The following GRIK1 variants were observed in gnomAD, a reference collection of about 807,000 sequenced individuals.
The protein encoded by GRIK1 is glutamate ionotropic receptor kainate type subunit 1.
Under a neutral mutation model 105.7 loss-of-function variants are expected in GRIK1, and 69 were observed. The observed-to-expected ratio is 0.65, with a 90% CI of 0.54 to 0.80. The LOEUF (loss-of-function observed/expected upper bound fraction) is 0.80, where lower values mean the gene tolerates loss of function less well. Among genes scored for constraint, GRIK1 ranks in the 30% least tolerant of loss-of-function variants. GRIK1 has a pLI of 0.00. For synonymous variants in GRIK1, 438 were observed against 431.3 expected (o/e 1.02, Z -0.19); for missense variants, 1,109 against 1,167.3 (o/e 0.95, Z 0.73).
intron 1 of GRIK1, among the ~76,000 whole-genome samples, chr21:29,776,481 T>G (rs2065946325): frequency 6.6e-6 from 1 of 152,214 alleles, no homozygotes; most frequent in African/African-American, 2.4e-5. Flanking sequence ...GGCATATTGC[T>G]CAATTTTTAT....
chr21:29,776,269 C>A (rs1418675924), intron 1 of GRIK1, among the ~76,000 whole-genome samples: 2 of 152,150 alleles, frequency 1.3e-5, no homozygotes, highest in Admixed American at 1.3e-4. Context: ...AATGATTTAC[C>A]TTTTTATTCT....
intron 1 of GRIK1, among the ~76,000 whole-genome samples, chr21:29,902,338 G>A (rs1227316765): frequency 6.6e-6 from 1 of 152,198 alleles, no homozygotes; most frequent in Non-Finnish European, 1.5e-5. Context: ...ATTCAAACAG[G>A]AAGAGAGGAA....
At chr21:29,621,353 G>A (rs921755053) in intron 7 of GRIK1, among the ~76,000 whole-genome samples, 6 of 151,962 alleles carry the variant, frequency 3.9e-5, no homozygotes, top group African/African-American at 1.2e-4. Context: ...ATCCTGCTAT[G>A]TAACTAGAAA....
chr21:29,657,748 T>G (rs1015512400), intron 4 of GRIK1: 2 of 152,240 alleles, frequency 1.3e-5, no homozygotes, highest in Non-Finnish European at 2.9e-5. Context: ...GCAGTTGTTC[T>G]TGTGATGGTC....
chr21:29,858,579 A>C (rs1045010963), intron 1 of GRIK1, among the ~76,000 whole-genome samples: 1 of 152,134 alleles, frequency 6.6e-6, no homozygotes, highest in African/African-American at 2.4e-5. Context: ...CTCTGTTGTG[A>C]AATATCAGGG....
At chr21:29,934,783 A>G (rs989853264) in intron 1 of GRIK1, among the ~76,000 whole-genome samples, 2 of 152,206 alleles carry the variant, frequency 1.3e-5, no homozygotes, top group African/African-American at 4.8e-5. Context: ...CACAAACCTT[A>G]CAAGAAAAGT....
intron 1 of GRIK1, among the ~76,000 whole-genome samples, chr21:29,847,392 G>A (rs1220507425): frequency 2.6e-5 from 4 of 152,140 alleles, no homozygotes; most frequent in Non-Finnish European, 4.4e-5. Flanking sequence ...TCAGGAGTTC[G>A]AGACCATCCT....
At chr21:29,653,479 C>G (rs1485868039) in intron 5 of GRIK1, among the ~76,000 whole-genome samples, 1 of 152,186 alleles carries the variant, frequency 6.6e-6, no homozygotes, top group Non-Finnish European at 1.5e-5. Context: ...TCTATGGTCT[C>G]CTAGCCTTGG....
chr21:29,610,744 C>A (rs1481946741), intron 7 of GRIK1, among the ~76,000 whole-genome samples: 2 of 151,800 alleles, frequency 1.3e-5, no homozygotes, highest in Non-Finnish European at 2.9e-5. Flanking sequence ...GGTAATTCAC[C>A]TAAAAAGCAA....
At chr21:29,640,334 T>A (rs1457818604) in intron 7 of GRIK1, among the ~76,000 whole-genome samples, 1 of 152,174 alleles carries the variant, frequency 6.6e-6, no homozygotes, top group African/African-American at 2.4e-5. Context: ...TCAGTGCCAG[T>A]CCTCCAGCAG....
intron 1 of GRIK1, among the ~76,000 whole-genome samples, chr21:29,712,121 CACAT>C (rs1185007950): frequency 5.3e-5 from 8 of 150,338 alleles, no homozygotes; most frequent in African/African-American, 1.7e-4. Flanking sequence ...CACACACACA[CACAT>C]ATATATAGGT....
intron 7 of GRIK1, among the ~76,000 whole-genome samples, chr21:29,603,428 T>C (rs1261554371): frequency 6.6e-6 from 1 of 152,110 alleles, no homozygotes; most frequent in Admixed American, 6.5e-5. Context: ...TGGCACTAGC[T>C]TTAAAATTGA....
At chr21:29,592,221 C>T (rs1054551666) in intron 9 of GRIK1, among the ~76,000 whole-genome samples, 4 of 152,184 alleles carry the variant, frequency 2.6e-5, no homozygotes, top group African/African-American at 4.8e-5. Flanking sequence ...CAGCAGCTAG[C>T]GTCTTCTGTT....
At chr21:29,563,611 A>C (rs2090538615) in intron 14 of GRIK1, among the ~76,000 whole-genome samples, 1 of 152,172 alleles carries the variant, frequency 6.6e-6, no homozygotes. Context: ...GCAAAGTCTG[A>C]TAATGCTAAA....
chr21:29,571,808 C>T (rs16984377), intron 14 of GRIK1, among the ~76,000 whole-genome samples: 8,405 of 152,246 alleles, frequency 0.055, 402 homozygotes, highest in African/African-American at 0.13. Flanking sequence ...CAGAGGAATA[C>T]TGCTTTTCTG....
At chr21:29,939,036 G>A (rs2071874386) in intron 1 of GRIK1, among the ~76,000 whole-genome samples, 1 of 152,166 alleles carries the variant, frequency 6.6e-6, no homozygotes, top group Non-Finnish European at 1.5e-5. Context: ...GGCTGGGAGA[G>A]CTCATTTCTG....
intron 1 of GRIK1, among the ~76,000 whole-genome samples, chr21:29,709,629 G>A (rs1284112334): frequency 6.6e-6 from 1 of 151,342 alleles, no homozygotes; most frequent in Non-Finnish European, 1.5e-5. Context: ...TAAGAACATG[G>A]GCACATTTAT....
chr21:29,892,380 A>AAG (rs1402589719), intron 1 of GRIK1, among the ~76,000 whole-genome samples: 1 of 152,262 alleles, frequency 6.6e-6, no homozygotes, highest in Non-Finnish European at 1.5e-5. Flanking sequence ...AAAAGCAGGC[A>AAG]GTGAGGAGAT....
chr21:29,675,989 A>T (rs2063258587), intron 3 of GRIK1, among the ~76,000 whole-genome samples: 1 of 152,198 alleles, frequency 6.6e-6, no homozygotes, highest in African/African-American at 2.4e-5. Flanking sequence ...GAGAAAGAAC[A>T]TTTCTAGACC....
Sources: gnomAD v4.1 joint callset for allele counts (sites outside exome capture counted in the v4.1 genomes callset) on GRCh38, gnomAD v4.1.1 for gene constraint, MANE v1.5 for transcripts, NCBI Gene and HGNC (gene_info 2026-07-23, HGNC 2026-07-21) for gene names.